Variants in RNF44 observed in about 807,000 individuals in gnomAD.
The protein encoded by RNF44 is ring finger protein 44.
A neutral mutation model predicts 53.6 loss-of-function variants in RNF44; 25 were observed. That is an observed-to-expected ratio of 0.47 (90% CI 0.34 to 0.65). The LOEUF is 0.65. RNF44 is among the 30% of genes least tolerant of loss of function. The pLI is 0.01. For missense variants in RNF44, 581 were observed against 595.5 expected (o/e 0.98, Z 0.25); for synonymous variants, 282 against 252.2 (o/e 1.12, Z -1.12).
At chr5:176,530,799 G>A (rs550011091) in intron 5 of RNF44, 49 bp downstream of exon 5, 2 of 1,464,084 alleles carry the variant, frequency 1.4e-6, no homozygotes, top group Admixed American at 3.0e-5. Flanking sequence ...TCCTCACCCT[G>A]CCTCCCCCCA....
At position 176,528,658 on chromosome 5, in the gene RNF44, GCT is replaced by G. The variant is rs1756263677; in HGVS notation, c.*368_*369del. 6.7e-6 allele frequency: 2 copies of G among 298,232 alleles called. No individual in the cohort carries two copies. The highest frequency in any genetic ancestry group is 2.2e-5 in the African/African-American group (1 of 45,870). The allele number at this position is 298,232 out of a possible 1,614,324, so 18.5% of individuals were successfully genotyped here. Reference sequence around the variant, plus strand: ...ATGAGACCTTCTGACCCAGGATGGTGCTCTGTCTGCCCATCCTGGGGCCAAGG... The same window carrying G: ...ATGAGACCTTCTGACCCAGGATGGTGCTGTCTGCCCATCCTGGGGCCAAGG... On this transcript the variant is annotated 3_prime_UTR_variant, in exon 11 of 11. Coordinates refer to ENST00000274811, the MANE Select transcript of RNF44 (RefSeq NM_014901.5).
chr5:176,529,627 G>A lies in RNF44; in HGVS notation c.1032C>T (p.Ala344=), dbSNP rs1280717247. The change falls in exon 9 of 11, where the codon GCC becomes GCT. Residue 344 remains alanine, a synonymous_variant. Coordinates refer to ENST00000274811, the MANE Select transcript of RNF44 (RefSeq NM_014901.5). Reference sequence around the variant, plus strand: ...GGGGCTTGGCATCTCCCAGCCGCTCGGCCAGGTTCAGGAGGGCCTGCATGC... The same window carrying A: ...GGGGCTTGGCATCTCCCAGCCGCTCAGCCAGGTTCAGGAGGGCCTGCATGC... ...MENYEALLNL[A]ERLGDAKPRG... The A allele has an allele frequency of 5.0e-6, 8 of 1,613,694 alleles. No homozygotes were observed. The highest frequency in any genetic ancestry group is 3.3e-5 in the Admixed American group (2 of 59,980).
upstream of RNF44, among the ~76,000 whole-genome samples, chr5:176,539,268 A>G (rs1757390388): frequency 6.6e-6 from 1 of 152,264 alleles, no homozygotes; most frequent in African/African-American, 2.4e-5. Flanking sequence ...TAAAAATTAC[A>G]TGTGCATGAG....
the RNF44 span, among the ~76,000 whole-genome samples, chr5:176,543,071 G>C: frequency 6.6e-6 from 1 of 151,826 alleles, no homozygotes; most frequent in African/African-American, 2.4e-5. This position sits in a 1 kb window ranked among gnomAD's most constrained non-coding sequence, Gnocchi z 4.0. Flanking sequence ...CCTAGCGGAC[G>C]GGGAGAAGAG....
rs761295401 is a variant in RNF44 at position 176,530,749 on chromosome 5, A to G, written c.640-6T>C. 2 of 1,529,584 alleles carry G rather than the reference A, an allele frequency of 1.3e-6. No individual in the cohort carries two copies. The highest frequency in any genetic ancestry group is 1.8e-6 in the Non-Finnish European group (2 of 1,141,456). 94.8% of individuals were successfully genotyped at this position (1,529,584 alleles called of 1,614,324 possible). A position where few individuals can be genotyped will look rare whatever the true frequency, so the allele number is the denominator to read the frequency against. ...TTGTCGAGCCGCTGGAGGGGCTGGA[A>G]GAACCAGCGCCGGGTCAGCAAGTCA... On this transcript the variant is annotated splice_polypyrimidine_tract_variant and splice_region_variant and intron_variant, in intron 5 of 10. Coordinates refer to ENST00000274811, the MANE Select transcript of RNF44 (RefSeq NM_014901.5).
At chr5:176,539,790 A>G (rs563179167), upstream of RNF44, among the ~76,000 whole-genome samples, 7 of 152,054 alleles carry the variant, frequency 4.6e-5, no homozygotes, top group South Asian at 1.5e-3. Context: ...CCCTACTGCC[A>G]ACTGCATGGA....
intron 2 of RNF44, 25 bp downstream of exon 2, chr5:176,532,341 C>G: frequency 6.3e-7 from 1 of 1,591,896 alleles, no homozygotes; most frequent in Non-Finnish European, 8.5e-7. Context: ...TGCCCCAGCA[C>G]CAGGACTGGG....
At position 176,531,971 on chromosome 5, in the gene RNF44, G is replaced by A. The variant is rs1314921709; in HGVS notation, c.297+33C>T. 1 of 1,576,112 alleles carries A rather than the reference G, an allele frequency of 6.3e-7. No homozygotes were observed. The highest frequency in any genetic ancestry group is 1.4e-5 in the African/African-American group (1 of 73,590). ...CTCTGCCTCTCAGACTGGCTCACAG[G>A]GCCAGGGGCACAGGGGATGGGGTTC... On this transcript the variant is annotated intron_variant, in intron 3 of 10. Transcript: ENST00000274811. The surrounding 1 kb of genome is among the most constrained non-coding windows in gnomAD (Gnocchi z 4.2).
upstream of RNF44, among the ~76,000 whole-genome samples, chr5:176,542,258 C>T (rs1757464748): frequency 6.6e-6 from 1 of 152,162 alleles, no homozygotes; most frequent in Non-Finnish European, 1.5e-5. Context: ...GCCAGCCTGC[C>T]CTGCCTCTGG....
chr5:176,532,401 C>A lies in RNF44; in HGVS notation c.72G>T (p.Ala24=). 1.2e-6 allele frequency: 2 copies of A among 1,609,810 alleles called. No individual in the cohort carries two copies. The highest frequency in any genetic ancestry group is 1.7e-6 in the Non-Finnish European group (2 of 1,179,172). ...SAPVGQRRFS[A]GPGSTPGQLW... is the part of the protein sequence containing the mutation. ...GCTGGCCCGGGGTGCTGCCAGGTCCCGCAGAGAATCGCCGCTGGCCCACGG... is the reference window on the plus strand; with the variant it reads ...GCTGGCCCGGGGTGCTGCCAGGTCCAGCAGAGAATCGCCGCTGGCCCACGG... Residue 24 remains alanine, a synonymous_variant, in exon 2 of 11, where the codon GCG becomes GCT. Coordinates refer to ENST00000274811, the MANE Select transcript of RNF44 (RefSeq NM_014901.5).
In RNF44 at chr5:176,532,134, T is replaced by C; in HGVS notation, c.167A>G (p.Gln56Arg). 1 of 1,580,290 alleles carries C rather than the reference T, an allele frequency of 6.3e-7. No homozygotes were observed. The highest frequency in any genetic ancestry group is 8.6e-7 in the Non-Finnish European group (1 of 1,165,254). ...GTGTGGAGGTCGGGACGGCGGCTGC[T>C]GGGAGGGTAAGCGCTCATCCCGGGC... ...PPARDERLPS[Q>R]QPPSRPPHLP... The change falls in exon 3 of 11, where the codon CAG becomes CGG. Residue 56 changes from glutamine to arginine, a missense_variant. By Grantham distance (43) the Gln-to-Arg change is conservative. Around this residue, in one of 3 missense-constraint regions of RNF44, gnomAD observed 387 missense variants for 366.0 expected, o/e 1.06. Coordinates refer to ENST00000274811, the MANE Select transcript of RNF44 (RefSeq NM_014901.5).
chr5:176,529,654 G>A lies in RNF44; in HGVS notation c.1015-10C>T. The A allele has an allele frequency of 6.2e-7, 1 of 1,613,642 alleles. No individual in the cohort carries two copies. Among genetic ancestry groups the A allele is most frequent in the Non-Finnish European group, 8.5e-7 (1 of 1,179,854 alleles). On this transcript the variant is annotated splice_polypyrimidine_tract_variant and intron_variant, in intron 8 of 10. Coordinates refer to ENST00000274811, the MANE Select transcript of RNF44 (RefSeq NM_014901.5). ...CCAGGTTCAGGAGGGCCTGCATGCGGGCAGGAGACGGGGTCAGCGGCGCCC... is the reference window on the plus strand; with the variant it reads ...CCAGGTTCAGGAGGGCCTGCATGCGAGCAGGAGACGGGGTCAGCGGCGCCC...
chr5:176,539,675 G>A (rs7708932), upstream of RNF44, among the ~76,000 whole-genome samples: 5,699 of 151,112 alleles, frequency 0.038, 378 homozygotes, highest in African/African-American at 0.13. Context: ...GTGACAGAGC[G>A]AGACTCCGTC....
chr5:176,531,806 C>G lies in RNF44; in HGVS notation c.298-176G>C, dbSNP rs1472775958. On this transcript the variant is annotated intron_variant, in intron 3 of 10. Transcript: ENST00000274811. This position sits in a 1 kb window ranked among gnomAD's most constrained non-coding sequence, Gnocchi z 4.2. ...TCCCAGGCCCCCGGGGCAGAGAAAG[C>G]CCCGTGGGAATCTAGCTCTGCTAGT... 1.2e-6 allele frequency: 1 copy of G among 864,292 alleles called. No individual in the cohort carries two copies. Among genetic ancestry groups the G allele is most frequent in the Admixed American group, 3.0e-5 (1 of 33,414 alleles). 53.5% of individuals were successfully genotyped at this position (864,292 alleles called of 1,614,324 possible). A position where few individuals can be genotyped will look rare whatever the true frequency, so the allele number is the denominator to read the frequency against.
intron 2 of RNF44, 36 bp downstream of exon 2, chr5:176,532,330 A>G (rs569320421): frequency 3.8e-6 from 6 of 1,575,400 alleles, no homozygotes; most frequent in Admixed American, 3.6e-5. Flanking sequence ...GCTGGCCCCC[A>G]TGCCCCAGCA....
At position 176,529,315 on chromosome 5, in the gene RNF44, G is replaced by A. The variant is rs745915864; in HGVS notation, c.1209C>T (p.His403=). 2 of 1,613,614 alleles carry A rather than the reference G, an allele frequency of 1.2e-6. No individual in the cohort carries two copies. The highest frequency in any genetic ancestry group is 2.7e-5 in the African/African-American group (2 of 74,950). Reference sequence around the variant, plus strand: ...TCAACCACTTGTCAACACACTTGGTGTGGAACTCATGGTTGCAGGGGAGGA... The same window carrying A: ...TCAACCACTTGTCAACACACTTGGTATGGAACTCATGGTTGCAGGGGAGGA... ...LRVLPCNHEF[H]TKCVDKWLKA... The change falls in exon 10 of 11, where the codon CAC becomes CAT. Residue 403 remains histidine, a synonymous_variant. Transcript: ENST00000274811.
chr5:176,539,884 C>T (rs961654837), upstream of RNF44, among the ~76,000 whole-genome samples: 14 of 152,300 alleles, frequency 9.2e-5, no homozygotes, highest in African/African-American at 3.4e-4. Context: ...CCTCTCACAC[C>T]ATGGTGGTGC....
intron 10 of RNF44, 22 bp from the exon 11 acceptor site, chr5:176,529,112 G>A: frequency 6.2e-7 from 1 of 1,612,848 alleles, no homozygotes; most frequent in Non-Finnish European, 8.5e-7. Context: ...TGCACGTCAG[G>A]CGTTGCTCTC....
Position 176,531,311 on chromosome 5 carries a change from G to A in RNF44, c.465+152C>T, listed in dbSNP as rs547591399. 44 of 729,700 alleles carry A rather than the reference G, an allele frequency of 6.0e-5. No homozygotes were observed. Among genetic ancestry groups the A allele is most frequent in the Admixed American group, 8.6e-5 (3 of 34,856 alleles). The allele number at this position is 729,700 out of a possible 1,614,324, so 45.2% of individuals were successfully genotyped here. On this transcript the variant is annotated intron_variant, in intron 4 of 10. Transcript: ENST00000274811. The surrounding 1 kb of genome is among the most constrained non-coding windows in gnomAD (Gnocchi z 4.2). ...ACTCTATTACCAAATGTGAACACGC[G>A]TATGCTTTCCTGGGGAGGCCAGGCA...
Sources: allele counts gnomAD v4.1 joint callset (sites outside exome capture counted in the v4.1 genomes callset), GRCh38; gene constraint gnomAD v4.1.1; regional missense constraint gnomAD v4.1.1; non-coding constraint Gnocchi (gnomAD v3.1); transcripts MANE v1.5; gene names NCBI Gene and HGNC (gene_info 2026-07-23, HGNC 2026-07-21).